TLL1: variants seen among roughly 807,000 people sequenced by gnomAD.
The protein encoded by TLL1 is tolloid-like protein 1.
A neutral mutation model predicts 128.2 loss-of-function variants in TLL1; 49 were observed. That is an observed-to-expected ratio of 0.38 (90% CI 0.30 to 0.48). The LOEUF (loss-of-function observed/expected upper bound fraction) is 0.48, where lower values mean the gene tolerates loss of function less well. TLL1 is among the 20% of genes least tolerant of loss of function. TLL1 has a pLI of 0.96. For missense variants in TLL1, 1,123 were observed against 1,242.0 expected (o/e 0.90, Z 1.44); for synonymous variants, 454 against 418.8 (o/e 1.08, Z -1.03).
rs138363070 is a variant in TLL1, at chr4:165,971,873, A to C, written c.170-17508A>C. Among the ~76,000 whole-genome samples the C allele has an allele frequency of 1.1e-3, 162 of 152,250 alleles. 2 individuals carry two copies. The highest frequency in any genetic ancestry group is 3.8e-3 in the African/African-American group (159 of 41,536). ...TCGATGGAATTCAGCAGGACTTTGT[A>C]ATGTTAGCTCTCTGGGTTCCAGAAA... On this transcript the variant is annotated intron_variant, in intron 1 of 20. Coordinates refer to ENST00000061240, the MANE Select transcript of TLL1 (RefSeq NM_012464.5).
At chr4:166,064,965 T>A (rs370797842) in intron 15 of TLL1, among the ~76,000 whole-genome samples, 33 of 152,248 alleles carry the variant, frequency 2.2e-4, no homozygotes, top group African/African-American at 7.7e-4. Context: ...CAAGATTTGT[T>A]CTTGAACATG....
At chr4:166,041,458 G>A (rs973675926) in intron 10 of TLL1, among the ~76,000 whole-genome samples, 5 of 151,768 alleles carry the variant, frequency 3.3e-5, no homozygotes, top group Admixed American at 6.6e-5. Context: ...GTGCCACTAC[G>A]CCCAGCTAAT....
Position 166,046,528 on chromosome 4 carries a change from T to C in TLL1, c.1524+3109T>C, listed in dbSNP as rs1739466886. Among the ~76,000 whole-genome samples, 3 of 152,164 alleles carry C rather than the reference T, an allele frequency of 2.0e-5. No individual in the cohort carries two copies. The South Asian group carries it at 6.2e-4, about 32-fold the overall frequency. Reference sequence around the variant, plus strand: ...CTGATTTTGTTTGCAAATCTGCTTATTTACTAAAATTTTGGAAGCCTAAAA... The same window carrying C: ...CTGATTTTGTTTGCAAATCTGCTTACTTACTAAAATTTTGGAAGCCTAAAA... On this transcript the variant is annotated intron_variant, in intron 12 of 20. Coordinates refer to ENST00000061240, the MANE Select transcript of TLL1 (RefSeq NM_012464.5).
chr4:165,895,633 TAAAAA>T (rs57920393), intron 1 of TLL1, among the ~76,000 whole-genome samples: 25 of 68,450 alleles, frequency 3.7e-4, no homozygotes, highest in African/African-American at 2.1e-3. Flanking sequence ...AGACTTTTTG[TAAAAA>T]AAAAAAAAAA....
chr4:166,022,152 C>G (rs988219103), intron 8 of TLL1, among the ~76,000 whole-genome samples: 3 of 151,172 alleles, frequency 2.0e-5, no homozygotes, highest in Non-Finnish European at 2.9e-5. Flanking sequence ...CTTTCTTTGC[C>G]CTAAAGATTC....
intron 16 of TLL1, among the ~76,000 whole-genome samples, chr4:166,072,436 CTCT>C (rs1262435312): frequency 6.6e-6 from 1 of 151,562 alleles, no homozygotes; most frequent in Non-Finnish European, 1.5e-5. Flanking sequence ...CCTCTGCTTT[CTCT>C]TCTTCCAAAA....
At chr4:165,877,822 C>T (rs1409125144) in intron 1 of TLL1, among the ~76,000 whole-genome samples, 2 of 149,754 alleles carry the variant, frequency 1.3e-5, no homozygotes, top group Non-Finnish European at 3.0e-5. Flanking sequence ...ATTAAGAAAG[C>T]TCAGGCAATT....
intron 3 of TLL1, 26 bp from the exon 4 acceptor site, chr4:165,994,355 A>T (rs1266542398): frequency 6.2e-7 from 1 of 1,613,868 alleles, no homozygotes; most frequent in Non-Finnish European, 8.5e-7. Context: ...CTTCTGTTTC[A>T]CAGAATGTTT....
Position 166,104,245 on chromosome 4 carries a change from T to C in TLL1, c.*3369T>C, listed in dbSNP as rs1742415891. On this transcript the variant is annotated 3_prime_UTR_variant, in exon 21 of 21. Transcript: ENST00000061240. Reference sequence around the variant, plus strand: ...TTATTTTTGCAAGGTTAAAATTTATTTTTAAAAGAAACATTAAATTATATC... The same window carrying C: ...TTATTTTTGCAAGGTTAAAATTTATCTTTAAAAGAAACATTAAATTATATC... Among the ~76,000 whole-genome samples the C allele has an allele frequency of 6.6e-6, 1 of 152,106 alleles. No individual in the cohort carries two copies. Among genetic ancestry groups the C allele is most frequent in the African/African-American group, 2.4e-5 (1 of 41,548 alleles).
At position 165,919,387 on chromosome 4, in the gene TLL1, A is replaced by G. The variant is rs1364113033; in HGVS notation, c.169+45314A>G. On this transcript the variant is annotated intron_variant, in intron 1 of 20. Coordinates refer to ENST00000061240, the MANE Select transcript of TLL1 (RefSeq NM_012464.5). ...GACAGAATGAGACCCTGCTTCAAAA[A>G]AAAAAAAAAAAAAGAATAAACAAAA... Among the ~76,000 whole-genome samples the G allele has an allele frequency of 1.1e-3, 164 of 151,142 alleles. 1 individual carries two copies. The highest frequency in any genetic ancestry group is 3.5e-3 in the African/African-American group (146 of 41,362).
chr4:166,081,616 A>G (rs546211429), intron 18 of TLL1, among the ~76,000 whole-genome samples: 53 of 152,284 alleles, frequency 3.5e-4, no homozygotes, highest in African/African-American at 1.2e-3. Context: ...ACCTGGCTGT[A>G]TGATACCAAC....
In TLL1 at chr4:166,091,327, C is replaced by G. The variant is rs779921094; in HGVS notation, c.2642C>G (p.Ala881Gly). 1.9e-6 allele frequency: 3 copies of G among 1,612,602 alleles called. No homozygotes were observed. The highest frequency in any genetic ancestry group is 2.5e-6 in the Non-Finnish European group (3 of 1,179,198). ...DASVQRKGFQ[A>G]THSTECGGRL... ...TCTGTTCAAAGAAAAGGCTTTCAAG[C>G]TACACATTCTACAGGTCAGCAAATT... Residue 881 changes from alanine (A) to glycine (G), a missense_variant, in exon 19 of 21, where the codon GCT (alanine) becomes GGT (glycine). Transcript: ENST00000061240.
chr4:166,034,344 T>G (rs1056340150), intron 9 of TLL1, among the ~76,000 whole-genome samples: 1 of 152,084 alleles, frequency 6.6e-6, no homozygotes, highest in Non-Finnish European at 1.5e-5. Flanking sequence ...TATGTTCACT[T>G]TAAGTAAAGG....
At chr4:165,895,234 C>T (rs34441982) in intron 1 of TLL1, among the ~76,000 whole-genome samples, 48,205 of 151,774 alleles carry the variant, frequency 0.32, 8,050 homozygotes, top group East Asian at 0.56. Flanking sequence ...GTCAGTGTGA[C>T]TGTCTATGTG....
At chr4:166,020,678 G>A (rs1238554646) in intron 8 of TLL1, among the ~76,000 whole-genome samples, 1 of 151,936 alleles carries the variant, frequency 6.6e-6, no homozygotes, top group South Asian at 2.1e-4. Context: ...TCTTAATTTA[G>A]TTTTTCTATA....
At chr4:166,008,126 T>A in intron 7 of TLL1, 78 bp downstream of exon 7, 1 of 981,090 alleles carries the variant, frequency 1.0e-6, no homozygotes, top group Non-Finnish European at 1.6e-6. Context: ...TGCCTGACAT[T>A]AGAACTAGAA....
chr4:165,978,879 T>C (rs754035505), intron 1 of TLL1, among the ~76,000 whole-genome samples: 2 of 152,212 alleles, frequency 1.3e-5, no homozygotes, highest in African/African-American at 4.8e-5. Context: ...TCCTTACTCA[T>C]GTGCTGTTTA....
chr4:166,003,448 G>T lies in TLL1; in HGVS notation c.690G>T (p.Lys230Asn). The change falls in exon 6 of 21, where the codon AAG becomes AAT. Residue 230 changes from lysine (K) to asparagine (N), a missense_variant. By Grantham distance (94) the Lys-to-Asn change is moderately conservative (BLOSUM62 0). Around this residue, in one of 3 missense-constraint regions of TLL1, gnomAD observed 480 missense variants for 542.4 expected, o/e 0.89. Coordinates refer to ENST00000061240, the MANE Select transcript of TLL1 (RefSeq NM_012464.5). ...GACCTCAGGCAATCTCTATCGGCAA[G>T]AACTGTGATAAATTTGGGATTGTTG... The part of the protein sequence containing the change: ...GNGPQAISIG[K>N]NCDKFGIVVH... The T allele has an allele frequency of 1.2e-6, 2 of 1,614,018 alleles. No individual in the cohort carries two copies. The highest frequency in any genetic ancestry group is 1.7e-6 in the Non-Finnish European group (2 of 1,179,948).
intron 20 of TLL1, 91 bp downstream of exon 20, chr4:166,099,618 GC>G: frequency 1.5e-6 from 2 of 1,345,284 alleles, no homozygotes; most frequent in Non-Finnish European, 1.0e-6. Context: ...AGTTGGCAAT[GC>G]TTTTTGCAAA....
Sources: allele counts gnomAD v4.1 joint callset (sites outside exome capture counted in the v4.1 genomes callset), GRCh38; gene constraint gnomAD v4.1.1; regional missense constraint gnomAD v4.1.1; transcripts MANE v1.5; gene names NCBI Gene and HGNC (gene_info 2026-07-23, HGNC 2026-07-21).